The following AFDN variants were observed in gnomAD, a reference collection of about 807,000 sequenced individuals.
AFDN encodes the protein afadin, adherens junction formation factor, also known as afadin.
In AFDN, 68 loss-of-function variants were observed where a neutral mutation model predicts 216.6. The ratio of observed to expected loss-of-function variants is 0.31; its 90% confidence interval spans 0.26 to 0.38. The LOEUF is 0.38. Ranked by LOEUF, AFDN falls within the 10% of genes least tolerant of loss-of-function variation. AFDN has a pLI of 1.00. For synonymous variants in AFDN, 868 were observed against 853.7 expected, an observed-to-expected ratio of 1.02 and a Z score of -0.29; for missense variants, 2,136 against 2,342.0, an observed-to-expected ratio of 0.91 and a Z score of 1.82.
chr6:167,827,250 G>A lies in AFDN; in HGVS notation c.105+13G>A. The A allele has an allele frequency of 9.0e-7, 1 of 1,109,514 alleles. No homozygotes were observed. Among genetic ancestry groups the A allele is most frequent in the Non-Finnish European group, 1.1e-6 (1 of 884,764 alleles). 68.7% of individuals were successfully genotyped at this position (1,109,514 alleles called of 1,614,324 possible). A position where few individuals can be genotyped will look rare whatever the true frequency, so the allele number is the denominator to read the frequency against. ...CCAGCCGACCGAGGTGAGCACCGCC[G>A]GGCGCGGGGCCTGCGCGACCCCCGC... On this transcript the variant is annotated intron_variant, in intron 1 of 33. Transcript: ENST00000683244.
Position 167,916,237 on chromosome 6 carries a change from G to A in AFDN, c.2565+804G>A, listed in dbSNP as rs113045290. On this transcript the variant is annotated intron_variant, in intron 19 of 33. Coordinates refer to ENST00000683244, the MANE Select transcript of AFDN (RefSeq NM_001386888.1). ...TCTCCTTGTTTGCCTGTCTGTGTCCGAAAGACTGCTTTCTATAAGGACAGC... is the reference window on the plus strand; with the variant it reads ...TCTCCTTGTTTGCCTGTCTGTGTCCAAAAGACTGCTTTCTATAAGGACAGC... 1.0e-3 allele frequency among the ~76,000 whole-genome samples: 155 copies of A among 152,300 alleles called. 1 individual carries two copies. Among genetic ancestry groups the A allele is most frequent in the African/African-American group, 3.5e-3 (145 of 41,558 alleles).
At chr6:167,948,196 A>G in intron 28 of AFDN, 97 bp from the exon 29 acceptor site, 11 of 1,047,504 alleles carry the variant, frequency 1.1e-5, no homozygotes, top group South Asian at 1.7e-5. Flanking sequence ...AGTATTTAAC[A>G]TATACTATTT....
At chr6:167,858,953 G>A (rs1290079784) in intron 1 of AFDN, among the ~76,000 whole-genome samples, 3 of 152,054 alleles carry the variant, frequency 2.0e-5, no homozygotes, top group African/African-American at 4.8e-5. Context: ...AGAAAACTGG[G>A]TTTCTAGGAG....
At chr6:167,913,328 T>C (rs1476314063) in intron 15 of AFDN, 75 bp from the exon 16 acceptor site, 1 of 1,430,046 alleles carries the variant, frequency 7.0e-7, no homozygotes, top group Non-Finnish European at 9.5e-7. Flanking sequence ...GTTTTGATTT[T>C]TTTAAACTAT....
At chr6:167,867,032 G>A (rs189578162) in intron 2 of AFDN, among the ~76,000 whole-genome samples, 260 of 152,316 alleles carry the variant, frequency 1.7e-3, no homozygotes, top group Non-Finnish European at 2.7e-3. Context: ...CTTTAAAAAC[G>A]TGAATGAAAC....
chr6:167,907,519 T>A (rs1019530067), intron 13 of AFDN, among the ~76,000 whole-genome samples: 17 of 152,242 alleles, frequency 1.1e-4, no homozygotes, highest in Non-Finnish European at 2.4e-4. Context: ...TAAGAGTACA[T>A]TGAATTAAAA....
At chr6:167,907,317 G>C in intron 13 of AFDN, 28 bp downstream of exon 13, 1 of 1,501,310 alleles carries the variant, frequency 6.7e-7, no homozygotes, top group South Asian at 1.1e-5. Flanking sequence ...TTTCAATGGT[G>C]AAAGTACTGA....
chr6:167,844,423 A>G (rs1385515910), intron 1 of AFDN, among the ~76,000 whole-genome samples: 2 of 152,208 alleles, frequency 1.3e-5, no homozygotes, highest in African/African-American at 4.8e-5. Context: ...CCATATTTCT[A>G]TAAAACAAAA....
intron 29 of AFDN, 93 bp downstream of exon 29, chr6:167,948,571 T>C: frequency 8.2e-7 from 1 of 1,219,134 alleles, no homozygotes. Flanking sequence ...TAGAACAGCA[T>C]TGTTGGCCTT....
At chr6:167,887,443 CTTT>C (rs1233534960) in intron 6 of AFDN, among the ~76,000 whole-genome samples, 1 of 126,092 alleles carries the variant, frequency 7.9e-6, no homozygotes. Flanking sequence ...CTCAGCTTGC[CTTT>C]TTTTTTTTTT....
chr6:167,827,155 A>G lies in AFDN; in HGVS notation c.23A>G (p.Glu8Gly). The G allele has an allele frequency of 3.1e-6, 4 of 1,297,300 alleles. No individual in the cohort carries two copies. Among genetic ancestry groups the G allele is most frequent in the Non-Finnish European group, 4.0e-6 (4 of 994,482 alleles). The allele number at this position is 1,297,300 out of a possible 1,614,324, so 80.4% of individuals were successfully genotyped here. The change falls in exon 1 of 34, where the codon GAG becomes GGG. Residue 8 changes from glutamate (E) to glycine (G), a missense_variant. Around this residue, in one of 8 missense-constraint regions of AFDN, gnomAD observed 81 missense variants for 51.2 expected, o/e 1.58. Transcript: ENST00000683244. The part of the protein sequence containing the change: MSAGGRD[E>G]ERRKLADIIH... The stretch of plus-strand genomic sequence containing the variant: ...ACCATGTCGGCGGGCGGCCGTGACG[A>G]GGAGCGGCGGAAGCTGGCCGACATC...
At chr6:167,964,681 A>G (rs968627595) in intron 31 of AFDN, 4 of 1,063,894 alleles carry the variant, frequency 3.8e-6, no homozygotes, top group Non-Finnish European at 3.4e-6. Context: ...GGGAGTAGGG[A>G]GAAAATACAG....
intron 1 of AFDN, among the ~76,000 whole-genome samples, chr6:167,836,719 T>C (rs1780482854): frequency 6.6e-6 from 1 of 152,246 alleles, no homozygotes; most frequent in Non-Finnish European, 1.5e-5. Flanking sequence ...TTAATTGTTA[T>C]AGATAGCATT....
chr6:167,863,638 G>C, intron 1 of AFDN: 1 of 371,720 alleles, frequency 2.7e-6, no homozygotes, highest in Admixed American at 3.2e-5. Context: ...CTAGGAGTTA[G>C]AAATATTCTC....
At chr6:167,928,607 C>T (rs1792870161) in intron 23 of AFDN, among the ~76,000 whole-genome samples, 1 of 152,208 alleles carries the variant, frequency 6.6e-6, no homozygotes, top group African/African-American at 2.4e-5. Context: ...CTCAGACGCT[C>T]AGGCACGGGT....
intron 23 of AFDN, among the ~76,000 whole-genome samples, chr6:167,932,958 A>G (rs1486393713): frequency 1.3e-5 from 2 of 152,236 alleles, no homozygotes; most frequent in South Asian, 4.1e-4. Context: ...CTTAAGCTTC[A>G]TAAAAACATA....
chr6:167,882,202 T>G (rs921697528), intron 6 of AFDN, among the ~76,000 whole-genome samples: 6 of 151,684 alleles, frequency 4.0e-5, no homozygotes, highest in Admixed American at 2.0e-4. Flanking sequence ...GAGAAAGAAC[T>G]CTTAGAAATA....
intron 23 of AFDN, among the ~76,000 whole-genome samples, chr6:167,928,197 C>T (rs1019030210): frequency 6.6e-6 from 1 of 152,226 alleles, no homozygotes; most frequent in African/African-American, 2.4e-5. Flanking sequence ...GCATGATTTC[C>T]GGATGTATAA....
At chr6:167,859,949 C>G (rs1202051127) in intron 1 of AFDN, among the ~76,000 whole-genome samples, 1 of 150,960 alleles carries the variant, frequency 6.6e-6, no homozygotes, top group Admixed American at 6.6e-5. Flanking sequence ...AAGTTGTTTT[C>G]CTGGCAGGAG....
Sources: allele counts gnomAD v4.1 joint callset (sites outside exome capture counted in the v4.1 genomes callset), GRCh38; gene constraint gnomAD v4.1.1; regional missense constraint gnomAD v4.1.1; transcripts MANE v1.5; gene names NCBI Gene and HGNC (gene_info 2026-07-23, HGNC 2026-07-21).